Variants in SGCZ observed in about 807,000 individuals in gnomAD.
The protein encoded by SGCZ is sarcoglycan zeta.
In SGCZ, 40 loss-of-function variants were observed where a neutral mutation model predicts 41.3. The ratio of observed to expected loss-of-function variants is 0.97; its 90% CI spans 0.75 to 1.26. The LOEUF (loss-of-function observed/expected upper bound fraction) is 1.26, where lower values mean the gene tolerates loss of function less well. Ranked by LOEUF, SGCZ falls within the 50% of genes most tolerant of loss-of-function variation. The pLI is 0.00. For synonymous variants in SGCZ, 206 were observed against 137.5 expected, an observed-to-expected ratio of 1.50 and a Z score of -3.49; for missense variants, 552 against 369.8, an observed-to-expected ratio of 1.49 and a Z score of -4.04.
intron 1 of SGCZ, among the ~76,000 whole-genome samples, chr8:15,016,179 G>A (rs1803026180): frequency 6.6e-6 from 1 of 152,120 alleles, no homozygotes; most frequent in African/African-American, 2.4e-5. Context: ...TCCTCTGGAA[G>A]CGCCTTACAT....
At chr8:14,373,968 C>A (rs911937290) in intron 2 of SGCZ, among the ~76,000 whole-genome samples, 3 of 151,396 alleles carry the variant, frequency 2.0e-5, no homozygotes, top group Admixed American at 2.0e-4. Flanking sequence ...GCACATGTGC[C>A]CCGGAACTTA....
chr8:15,014,854 CT>C (rs1483113310), intron 1 of SGCZ, among the ~76,000 whole-genome samples: 1 of 152,142 alleles, frequency 6.6e-6, no homozygotes, highest in Non-Finnish European at 1.5e-5. Context: ...TTAAATACTG[CT>C]GCAGATCTAC....
chr8:14,922,022 A>G (rs1329241415), intron 1 of SGCZ, among the ~76,000 whole-genome samples: 2 of 152,166 alleles, frequency 1.3e-5, no homozygotes, highest in East Asian at 3.9e-4. Flanking sequence ...TTATGTGAAT[A>G]CCCTTGATTT....
intron 4 of SGCZ, among the ~76,000 whole-genome samples, chr8:14,170,082 T>C (rs1804331804): frequency 6.6e-6 from 1 of 152,044 alleles, no homozygotes; most frequent in Non-Finnish European, 1.5e-5. Context: ...ACTTTTCCTT[T>C]ATTCTTTGAG....
intron 2 of SGCZ, among the ~76,000 whole-genome samples, chr8:14,394,344 T>C (rs535728159): frequency 6.6e-6 from 1 of 152,062 alleles, no homozygotes; most frequent in South Asian, 2.1e-4. Flanking sequence ...AGAGACTGGG[T>C]TTCACCATGT....
chr8:15,123,047 A>G (rs980551488), intron 1 of SGCZ, among the ~76,000 whole-genome samples: 5 of 152,138 alleles, frequency 3.3e-5, no homozygotes, highest in Non-Finnish European at 5.9e-5. Context: ...TTGTCACCCA[A>G]TGGCACTCTG....
intron 1 of SGCZ, among the ~76,000 whole-genome samples, chr8:15,195,664 G>A (rs1302152525): frequency 6.6e-6 from 1 of 152,044 alleles, no homozygotes; most frequent in Non-Finnish European, 1.5e-5. Flanking sequence ...GCAACTAAAC[G>A]TCTCTCTGCA....
At chr8:14,218,214 A>T (rs1242727086) in intron 4 of SGCZ, among the ~76,000 whole-genome samples, 1 of 152,192 alleles carries the variant, frequency 6.6e-6, no homozygotes, top group African/African-American at 2.4e-5. Context: ...AAAGTAAAGA[A>T]CATACAAATT....
At chr8:15,043,511 A>G (rs904855510) in intron 1 of SGCZ, among the ~76,000 whole-genome samples, 2 of 152,092 alleles carry the variant, frequency 1.3e-5, no homozygotes, top group African/African-American at 2.4e-5. Context: ...TGCTACTCTG[A>G]GTTAAATTAG....
intron 3 of SGCZ, among the ~76,000 whole-genome samples, chr8:14,237,973 TCC>T (rs1806829070): frequency 6.6e-6 from 1 of 152,186 alleles, no homozygotes; most frequent in African/African-American, 2.4e-5. Context: ...CCTTTTTCTC[TCC>T]CAGTGTCCTC....
At chr8:14,619,652 C>T (rs1311187974) in intron 1 of SGCZ, among the ~76,000 whole-genome samples, 1 of 152,018 alleles carries the variant, frequency 6.6e-6, no homozygotes, top group Admixed American at 6.6e-5. Flanking sequence ...CAAGAGCAGA[C>T]AAACAGAGAA....
chr8:14,890,934 T>C (rs1804989736), intron 1 of SGCZ, among the ~76,000 whole-genome samples: 1 of 152,224 alleles, frequency 6.6e-6, no homozygotes, highest in Admixed American at 6.5e-5. Flanking sequence ...AAACAAAGCC[T>C]GATAGCAGCA....
intron 1 of SGCZ, among the ~76,000 whole-genome samples, chr8:14,977,187 C>T (rs1428711327): frequency 6.6e-6 from 1 of 152,106 alleles, no homozygotes. Context: ...AGAAGGAACT[C>T]GTTGAGGGAA....
intron 1 of SGCZ, among the ~76,000 whole-genome samples, chr8:14,969,267 A>T (rs1801217523): frequency 6.6e-6 from 1 of 152,188 alleles, no homozygotes; most frequent in South Asian, 2.1e-4. Flanking sequence ...TTAAAATTCT[A>T]GGCCACTGGC....
intron 1 of SGCZ, among the ~76,000 whole-genome samples, chr8:15,131,656 G>T (rs969733496): frequency 6.6e-6 from 1 of 152,188 alleles, no homozygotes; most frequent in East Asian, 1.9e-4. Flanking sequence ...GTATGTTAGC[G>T]CGGCATCTTC....
intron 2 of SGCZ, among the ~76,000 whole-genome samples, chr8:14,388,251 T>C (rs1804642258): frequency 6.6e-6 from 1 of 151,730 alleles, no homozygotes; most frequent in Non-Finnish European, 1.5e-5. Flanking sequence ...AAAGACAAAA[T>C]TTCAAAAATA....
chr8:15,181,028 C>A (rs1800159823), intron 1 of SGCZ, among the ~76,000 whole-genome samples: 1 of 152,152 alleles, frequency 6.6e-6, no homozygotes, highest in African/African-American at 2.4e-5. Context: ...CTATTGCCAT[C>A]TTTCAATTAG....
At chr8:14,406,467 G>T (rs1365759825) in intron 2 of SGCZ, among the ~76,000 whole-genome samples, 2 of 152,108 alleles carry the variant, frequency 1.3e-5, no homozygotes, top group Non-Finnish European at 2.9e-5. Flanking sequence ...CATTGCTGGG[G>T]AGCCAGATGC....
chr8:14,466,285 T>A (rs1801046995), intron 2 of SGCZ, among the ~76,000 whole-genome samples: 2 of 152,010 alleles, frequency 1.3e-5, no homozygotes, highest in Non-Finnish European at 2.9e-5. Context: ...CTACTTTAAA[T>A]ATATCTGCTC....
Sources: gnomAD v4.1 joint callset for allele counts (sites outside exome capture counted in the v4.1 genomes callset) on GRCh38, gnomAD v4.1.1 for gene constraint, MANE v1.5 for transcripts, NCBI Gene and HGNC (gene_info 2026-07-23, HGNC 2026-07-21) for gene names.